MATN2: variants seen among roughly 807,000 people sequenced by gnomAD.
MATN2 encodes the protein matrilin-2.
Under a neutral mutation model 103.2 loss-of-function variants are expected in MATN2, and 69 were observed. That is an observed-to-expected ratio of 0.67 (90% CI 0.55 to 0.82). MATN2 has a LOEUF of 0.82. Among genes scored for constraint, MATN2 ranks in the 40% least tolerant of loss-of-function variants. MATN2 has a pLI of 0.00. For missense variants in MATN2, 1,023 were observed against 1,211.5 expected, an observed-to-expected ratio of 0.84 and a Z score of 2.31; for synonymous variants, 429 against 450.2, an observed-to-expected ratio of 0.95 and a Z score of 0.60.
intron 2 of MATN2, among the ~76,000 whole-genome samples, chr8:97,923,703 C>T (rs967706340): frequency 4.6e-5 from 7 of 152,088 alleles, no homozygotes; most frequent in African/African-American, 1.2e-4. Flanking sequence ...ATAACAGGCG[C>T]CTGCCACCAC....
Position 97,917,688 on chromosome 8 carries a change from C to T in MATN2, c.143-13265C>T, listed in dbSNP as rs1197047112. 3.9e-5 allele frequency among the ~76,000 whole-genome samples: 6 copies of T among 152,328 alleles called. No individual in the cohort carries two copies. The East Asian group carries it at 1.2e-3, about 29-fold the overall frequency. Reference sequence around the variant, plus strand: ...TGTGGGGGAAGACCCTGGAAATCACCTCCATCTGGGTGTACATTGTTACTT... The same window carrying T: ...TGTGGGGGAAGACCCTGGAAATCACTTCCATCTGGGTGTACATTGTTACTT... On this transcript the variant is annotated intron_variant, in intron 2 of 18. Transcript: ENST00000254898.
intron 4 of MATN2, among the ~76,000 whole-genome samples, chr8:97,953,738 C>T (rs1458437667): frequency 7.0e-6 from 1 of 142,260 alleles, no homozygotes; most frequent in African/African-American, 2.6e-5. Flanking sequence ...TGCGGTGAGC[C>T]AAGATAGCGC....
chr8:97,874,486 A>G (rs962239659), intron 1 of MATN2, among the ~76,000 whole-genome samples: 14 of 151,346 alleles, frequency 9.3e-5, no homozygotes, highest in African/African-American at 3.4e-4. Context: ...GCTCACTGAA[A>G]CCTCAGTCTC....
At chr8:97,992,186 T>C (rs1812414446) in intron 6 of MATN2, among the ~76,000 whole-genome samples, 1 of 152,196 alleles carries the variant, frequency 6.6e-6, no homozygotes, top group Admixed American at 6.5e-5. Context: ...GACCAGAATG[T>C]ATGTAATGTA....
chr8:97,871,121 T>C (rs1046424593), intron 1 of MATN2, among the ~76,000 whole-genome samples: 2 of 152,100 alleles, frequency 1.3e-5, no homozygotes, highest in African/African-American at 4.8e-5. Flanking sequence ...TGCCCTAAGC[T>C]CTTATCAGCG....
chr8:97,994,651 T>C, intron 7 of MATN2, 49 bp downstream of exon 7: 1 of 1,573,196 alleles, frequency 6.4e-7, no homozygotes, highest in Non-Finnish European at 8.6e-7. Flanking sequence ...TAAATGCTCC[T>C]CTAGTTAGTT....
chr8:98,034,837 A>G (rs1284065086), intron 18 of MATN2, among the ~76,000 whole-genome samples: 1 of 151,856 alleles, frequency 6.6e-6, no homozygotes, highest in Non-Finnish European at 1.5e-5. Flanking sequence ...CAGATTCCCA[A>G]CATTATCAAT....
intron 2 of MATN2, among the ~76,000 whole-genome samples, chr8:97,910,317 C>CTT: frequency 1.3e-5 from 2 of 152,052 alleles, no homozygotes; most frequent in Non-Finnish European, 2.9e-5. Flanking sequence ...CTTGGCCTCC[C>CTT]AAAGTGCTGG....
intron 4 of MATN2, among the ~76,000 whole-genome samples, chr8:97,946,481 CT>C (rs1274758845): frequency 6.6e-6 from 1 of 152,122 alleles, no homozygotes; most frequent in Non-Finnish European, 1.5e-5. Context: ...TTTTATGTTC[CT>C]TCCTTTTCCC....
rs769750205 is a variant in MATN2, at chr8:97,941,859, A to G, written c.795A>G (p.Lys265=). Residue 265 remains lysine, a synonymous_variant, in exon 4 of 19, where the codon AAA becomes AAG. Coordinates refer to ENST00000254898, the MANE Select transcript of MATN2 (RefSeq NM_002380.5). ...CTGGCTCATACGTCTGCAGGTGCAA[A>G]CAAGGCTACATTCTCAACTCGGATC... ...NIPGSYVCRC[K]QGYILNSDQT... 6.2e-7 allele frequency: 1 copy of G among 1,613,588 alleles called. No homozygotes were observed. Among genetic ancestry groups the G allele is most frequent in the Non-Finnish European group, 8.5e-7 (1 of 1,179,608 alleles).
chr8:98,033,254 G>A, intron 17 of MATN2, 78 bp downstream of exon 17: 3 of 1,280,158 alleles, frequency 2.3e-6, no homozygotes, highest in Non-Finnish European at 2.1e-6. Context: ...GCTTTAAGGA[G>A]GAAAGGAAAG....
intron 2 of MATN2, among the ~76,000 whole-genome samples, chr8:97,921,651 G>T (rs1809810299): frequency 6.6e-6 from 1 of 152,214 alleles, no homozygotes; most frequent in African/African-American, 2.4e-5. Flanking sequence ...TCACAGTCTG[G>T]AGGCACACAG....
At chr8:97,994,442 A>C (rs748903772) in intron 6 of MATN2, 38 bp from the exon 7 acceptor site, 1 of 1,586,364 alleles carries the variant, frequency 6.3e-7, no homozygotes. Context: ...AGCTTTATTG[A>C]TTGGTTTGCC....
intron 3 of MATN2, among the ~76,000 whole-genome samples, chr8:97,940,249 G>C (rs1810509679): frequency 1.3e-5 from 2 of 152,040 alleles, no homozygotes; most frequent in Non-Finnish European, 2.9e-5. Context: ...AGACCAGCCT[G>C]GGCAACATAG....
intron 5 of MATN2, among the ~76,000 whole-genome samples, chr8:97,965,195 TAGG>T (rs1447660703): frequency 5.3e-5 from 8 of 152,136 alleles, no homozygotes; most frequent in Non-Finnish European, 8.8e-5. Flanking sequence ...ATACATGAAG[TAGG>T]AGATGAAGTT....
At chr8:97,925,177 C>T (rs1809951261) in intron 2 of MATN2, among the ~76,000 whole-genome samples, 1 of 152,108 alleles carries the variant, frequency 6.6e-6, no homozygotes, top group African/African-American at 2.4e-5. Context: ...GGATTGGCTA[C>T]AGGCTGGCGT....
intron 3 of MATN2, among the ~76,000 whole-genome samples, chr8:97,940,671 A>C (rs1340188324): frequency 1.3e-5 from 2 of 152,238 alleles, no homozygotes; most frequent in Non-Finnish European, 2.9e-5. Context: ...ATATTTCTAC[A>C]TATAGACATC....
At chr8:97,989,179 A>T (rs2130341211) in intron 6 of MATN2, among the ~76,000 whole-genome samples, 1 of 152,326 alleles carries the variant, frequency 6.6e-6, no homozygotes, top group Middle Eastern at 3.4e-3. Flanking sequence ...GCAAATTAGG[A>T]ATGAAGGTGG....
intron 3 of MATN2, among the ~76,000 whole-genome samples, chr8:97,941,018 C>T (rs1456033702): frequency 1.3e-5 from 2 of 151,680 alleles, no homozygotes; most frequent in African/African-American, 2.4e-5. Flanking sequence ...AAAAATTAGC[C>T]GGGCATGGTG....
Sources: allele counts gnomAD v4.1 joint callset (sites outside exome capture counted in the v4.1 genomes callset), GRCh38; gene constraint gnomAD v4.1.1; transcripts MANE v1.5; gene names NCBI Gene and HGNC (gene_info 2026-07-23, HGNC 2026-07-21).